TMPRSS9: variants seen among roughly 807,000 people sequenced by gnomAD.
The protein encoded by TMPRSS9 is transmembrane protease serine 9.
In TMPRSS9, 113 loss-of-function variants were observed where a neutral mutation model predicts 111.4. The observed-to-expected ratio is 1.01, with a 90% CI of 0.87 to 1.19. TMPRSS9 has a LOEUF of 1.19. Among genes scored for constraint, TMPRSS9 ranks in the 50% most tolerant of loss-of-function variants. The pLI, the probability that TMPRSS9 is intolerant of heterozygous loss-of-function variation, is 0.00. For missense variants in TMPRSS9, 1,803 were observed against 1,513.1 expected (o/e 1.19, Z -3.18); for synonymous variants, 805 against 659.1 (o/e 1.22, Z -3.39).
chr19:2,396,882 A>G (rs1970721857), intron 2 of TMPRSS9, among the ~76,000 whole-genome samples: 1 of 150,752 alleles, frequency 6.6e-6, no homozygotes, highest in Non-Finnish European at 1.5e-5. Context: ...CTGAGGACAC[A>G]CTCACATGGG....
At chr19:2,391,211 G>A (rs1305715741) in intron 1 of TMPRSS9, among the ~76,000 whole-genome samples, 1 of 110,308 alleles carries the variant, frequency 9.1e-6, no homozygotes, top group Non-Finnish European at 1.7e-5. Context: ...TTGCAGTCCA[G>A]CCTGGGCAAC....
At chr19:2,403,295 A>G (rs958332262) in intron 6 of TMPRSS9, 100 bp downstream of exon 7, 7 of 997,424 alleles carry the variant, frequency 7.0e-6, no homozygotes, top group Non-Finnish European at 1.1e-5. Flanking sequence ...CACTGGGCAC[A>G]CAGGCCTGGC....
chr19:2,414,002 C>G, exon 10 of TMPRSS9: 2 of 1,592,338 alleles, frequency 1.3e-6, no homozygotes, highest in Non-Finnish European at 1.7e-6. Flanking sequence ...ACTGGGTCAC[C>G]GTTCCTAAGC....
intron 1 of TMPRSS9, among the ~76,000 whole-genome samples, chr19:2,367,038 T>A (rs987829605): frequency 6.6e-6 from 1 of 151,800 alleles, no homozygotes; most frequent in Non-Finnish European, 1.5e-5. Context: ...GCTGCTTGCT[T>A]CCCCCAGGGC....
chr19:2,417,979 C>T, intron 12 of TMPRSS9, 23 bp from the exon 14 acceptor site: 2 of 1,611,380 alleles, frequency 1.2e-6, no homozygotes, highest in Non-Finnish European at 8.5e-7. Flanking sequence ...TGCACGTGGC[C>T]TTTCTGGCTC....
At chr19:2,372,571 G>A (rs1220978895) in intron 1 of TMPRSS9, among the ~76,000 whole-genome samples, 1 of 152,108 alleles carries the variant, frequency 6.6e-6, no homozygotes, top group African/African-American at 2.4e-5. Flanking sequence ...GATTAGCAGT[G>A]TGAAGGACCT....
At chr19:2,369,103 C>T (rs944614502) in intron 1 of TMPRSS9, among the ~76,000 whole-genome samples, 1 of 151,360 alleles carries the variant, frequency 6.6e-6, no homozygotes, top group Non-Finnish European at 1.5e-5. Context: ...AGGCGCCCAC[C>T]ACCACACCCA....
chr19:2,367,806 C>T (rs1970259818), intron 1 of TMPRSS9, among the ~76,000 whole-genome samples: 1 of 151,974 alleles, frequency 6.6e-6, no homozygotes, highest in Non-Finnish European at 1.5e-5. Context: ...CTCAGGTGAT[C>T]CACCCACCTT....
chr19:2,413,256 G>C (rs1479518178), intron 9 of TMPRSS9, among the ~76,000 whole-genome samples: 1 of 152,080 alleles, frequency 6.6e-6, no homozygotes, highest in Non-Finnish European at 1.5e-5. Flanking sequence ...AACTGGATAT[G>C]GGAAGGTAAA....
intron 4 of TMPRSS9, 115 bp downstream of exon 5, chr19:2,399,308 G>A: frequency 7.4e-7 from 1 of 1,358,098 alleles, no homozygotes; most frequent in Non-Finnish European, 9.7e-7. Flanking sequence ...AACTGGCCGG[G>A]TGTGGTGGCT....
exon 15 of TMPRSS9, chr19:2,424,207 C>T: frequency 1.4e-6 from 2 of 1,448,238 alleles, no homozygotes; most frequent in Non-Finnish European, 1.8e-6. Flanking sequence ...GTTGCGGGGC[C>T]GTGCTGGTGG....
chr19:2,405,574 C>T (rs916340341), intron 7 of TMPRSS9, 29 bp downstream of exon 8: 47 of 1,495,418 alleles, frequency 3.1e-5, no homozygotes, highest in East Asian at 5.3e-5. Flanking sequence ...GCACCAAACC[C>T]GAACCCTCTG....
intron 12 of TMPRSS9, 71 bp from the exon 14 acceptor site, chr19:2,417,931 T>C: frequency 6.3e-7 from 1 of 1,587,868 alleles, no homozygotes. Context: ...CTCGGGGCTG[T>C]TATCGGAGCG....
At chr19:2,364,666 C>T (rs556609645) in intron 1 of TMPRSS9, among the ~76,000 whole-genome samples, 4 of 152,074 alleles carry the variant, frequency 2.6e-5, no homozygotes, top group African/African-American at 4.8e-5. Context: ...TGTCCCCTTG[C>T]GTTGACACCT....
intron 1 of TMPRSS9, among the ~76,000 whole-genome samples, chr19:2,361,820 G>A (rs1376716748): frequency 1.3e-5 from 2 of 152,208 alleles, no homozygotes; most frequent in African/African-American, 2.4e-5. Flanking sequence ...GCACTGCCCC[G>A]CAGGACTGCA....
At chr19:2,403,331 GAA>G in intron 6 of TMPRSS9, 136 bp downstream of exon 7, 1 of 708,576 alleles carries the variant, frequency 1.4e-6, no homozygotes, top group Non-Finnish European at 2.4e-6. Flanking sequence ...GCAGAGAAAA[GAA>G]AGGGGCACCC....
chr19:2,406,392 T>A (rs981846206), intron 7 of TMPRSS9, among the ~76,000 whole-genome samples: 1 of 151,698 alleles, frequency 6.6e-6, no homozygotes, highest in African/African-American at 2.4e-5. Context: ...AGTGGTGCGA[T>A]CTCAGCTCAC....
At chr19:2,361,437 C>T (rs576786018) in intron 1 of TMPRSS9, among the ~76,000 whole-genome samples, 21 of 151,800 alleles carry the variant, frequency 1.4e-4, no homozygotes, top group East Asian at 3.9e-4. Context: ...CCTCTCCTCC[C>T]GCCCCAGTTC....
exon 16 of TMPRSS9, chr19:2,425,241 C>G (rs1211454376): frequency 1.4e-6 from 2 of 1,412,080 alleles, no homozygotes; most frequent in Non-Finnish European, 1.8e-6. Flanking sequence ...TGCGTCATCA[C>G]CGGCTGGGGC....
Sources: gnomAD v4.1 joint callset for allele counts (sites outside exome capture counted in the v4.1 genomes callset) on GRCh38, gnomAD v4.1.1 for gene constraint, MANE v1.5 for transcripts, NCBI Gene and HGNC (gene_info 2026-07-23, HGNC 2026-07-21) for gene names.